The following FLNB variants were observed in gnomAD, a reference collection of about 807,000 sequenced individuals.
FLNB encodes filamin B.
Under a neutral mutation model 250.6 loss-of-function variants are expected in FLNB, and 111 were observed. The observed-to-expected ratio is 0.44, with a 90% CI of 0.38 to 0.52. FLNB has a LOEUF of 0.52. Among genes scored for constraint, FLNB ranks in the 20% least tolerant of loss-of-function variants. FLNB has a pLI of 0.00. For synonymous variants in FLNB, 1,302 were observed against 1,372.1 expected (o/e 0.95, Z 1.13); for missense variants, 2,869 against 3,447.8 (o/e 0.83, Z 4.20).
At position 58,159,561 on chromosome 3, in the gene FLNB, G is replaced by A. The variant is rs1455683954; in HGVS notation, c.6896G>A (p.Gly2299Glu). ...GATGTATTAAATTCTCAGGAATCGG[G>A]ATTAAAAGTTAACCAGCCAGCATCC... ...RLTVMSLQESGLKVNQPASFA... is the reference protein window; with the variant it reads ...RLTVMSLQESELKVNQPASFA... The change falls in exon 42 of 46, where the codon GGA (glycine) becomes GAA (glutamate). Residue 2299 changes from glycine to glutamate, a missense_variant. Physicochemically the swap from Gly to Glu is moderately conservative, Grantham distance 98. Coordinates refer to ENST00000295956, the MANE Select transcript of FLNB (RefSeq NM_001457.4). 1 of 1,614,148 alleles carries A rather than the reference G, an allele frequency of 6.2e-7. No homozygotes were observed.
chr3:58,167,193 C>T (rs942363741), intron 43 of FLNB, among the ~76,000 whole-genome samples: 4 of 152,220 alleles, frequency 2.6e-5, no homozygotes, highest in African/African-American at 9.6e-5. Context: ...GATGGACACA[C>T]TGTCTCCTTG....
chr3:58,027,627 G>T (rs528219896), intron 1 of FLNB, among the ~76,000 whole-genome samples: 1 of 152,292 alleles, frequency 6.6e-6, no homozygotes, highest in South Asian at 2.1e-4. Context: ...CATCACTGGG[G>T]CCCTCGCCTG....
At chr3:58,073,353 C>T (rs2097197375) in intron 1 of FLNB, among the ~76,000 whole-genome samples, 1 of 152,044 alleles carries the variant, frequency 6.6e-6, no homozygotes, top group African/African-American at 2.4e-5. Context: ...AAAATTCAGT[C>T]ATGGTCAAGG....
chr3:58,111,908 G>T (rs2097269348), intron 17 of FLNB, 27 bp downstream of exon 17: 1 of 1,581,084 alleles, frequency 6.3e-7, no homozygotes, highest in Non-Finnish European at 8.7e-7. Flanking sequence ...AGGTTGTCCT[G>T]GGCCCCTCTG....
chr3:58,148,323 A>ACGAGCC lies in FLNB; in HGVS notation c.5848_5853dup (p.Glu1950_Pro1951dup), dbSNP rs1306174529. The ACGAGCC allele has an allele frequency of 4.3e-6, 7 of 1,614,054 alleles. No individual in the cohort carries two copies. Among genetic ancestry groups the ACGAGCC allele is most frequent in the Non-Finnish European group, 5.1e-6 (6 of 1,179,996 alleles). On this transcript the variant is annotated inframe_insertion, in exon 35 of 46. Coordinates refer to ENST00000295956, the MANE Select transcript of FLNB (RefSeq NM_001457.4). ...AGCATTAAGGCCCCATCTGGCCGAG[A>ACGAGCC]CGAGCCCTGTCTCCTGAAGAGGCTG...
intron 28 of FLNB, among the ~76,000 whole-genome samples, chr3:58,137,688 G>T (rs2097318850): frequency 6.6e-6 from 1 of 152,220 alleles, no homozygotes; most frequent in South Asian, 2.1e-4. Flanking sequence ...GGGAGAGGTT[G>T]CAAGTCTCCC....
At chr3:58,122,699 C>A (rs146522587) in intron 20 of FLNB, among the ~76,000 whole-genome samples, 2 of 152,282 alleles carry the variant, frequency 1.3e-5, no homozygotes, top group African/African-American at 4.8e-5. Context: ...CAAATTGCAA[C>A]AGCCCAAGCC....
At position 58,010,735 on chromosome 3, in the gene FLNB, A is replaced by G. The variant is rs979694464; in HGVS notation, c.292+1879A>G. The stretch of plus-strand genomic sequence containing the variant: ...AATACGACATGAAATCTCTAAAACA[A>G]CAACAAAACCAAACCAAACCGCAGC... On this transcript the variant is annotated intron_variant, in intron 1 of 45. Coordinates refer to ENST00000295956, the MANE Select transcript of FLNB (RefSeq NM_001457.4). Among the ~76,000 whole-genome samples, 8 of 152,218 alleles carry G rather than the reference A, an allele frequency of 5.3e-5. No individual in the cohort carries two copies. In the South Asian group the frequency reaches 6.2e-4, roughly 12 times the overall value.
chr3:58,167,722 T>A (rs1398125097), intron 43 of FLNB, among the ~76,000 whole-genome samples: 1 of 152,226 alleles, frequency 6.6e-6, no homozygotes, highest in Admixed American at 6.5e-5. Flanking sequence ...TCTACCACTT[T>A]CTGGTTGTGT....
At chr3:58,095,080 G>C (rs887536271) in intron 5 of FLNB, 126 bp downstream of exon 5, 3 of 807,702 alleles carry the variant, frequency 3.7e-6, no homozygotes, top group Non-Finnish European at 6.6e-6. Flanking sequence ...TTACCAAAAG[G>C]ATACTGAGGC....
chr3:58,118,484 G>A (rs1429293583), intron 18 of FLNB, among the ~76,000 whole-genome samples: 1 of 152,128 alleles, frequency 6.6e-6, no homozygotes, highest in African/African-American at 2.4e-5. Flanking sequence ...CCCTTACCAA[G>A]GTGTGTGACT....
chr3:58,091,430 T>TG lies in FLNB; in HGVS notation c.788-3401dup, dbSNP rs529589146. Among the ~76,000 whole-genome samples, 473 of 152,156 alleles carry TG rather than the reference T, an allele frequency of 3.1e-3. 1 individual carries two copies. The highest frequency in any genetic ancestry group is 0.011 in the African/African-American group (453 of 41,500). ...TGACAAAGGTGCAAAGATAAGTCAT[T>TG]GGGGGAAAAAACCTTTTCGGCACAT... On this transcript the variant is annotated intron_variant, in intron 4 of 45. Coordinates refer to ENST00000295956, the MANE Select transcript of FLNB (RefSeq NM_001457.4).
intron 1 of FLNB, among the ~76,000 whole-genome samples, chr3:58,046,174 G>A (rs2097153788): frequency 6.6e-6 from 1 of 152,020 alleles, no homozygotes; most frequent in East Asian, 1.9e-4. Context: ...GTGGTAGCTG[G>A]GCTGGGCTAG....
intron 23 of FLNB, 78 bp downstream of exon 23, chr3:58,125,821 C>T: frequency 7.3e-7 from 1 of 1,374,106 alleles, no homozygotes; most frequent in Non-Finnish European, 1.0e-6. Flanking sequence ...GGTTTCCTAA[C>T]TTTTGATAAG....
chr3:58,100,601 G>GTTTTTTTTTTTTTTTTTT (rs1559692712), intron 8 of FLNB, among the ~76,000 whole-genome samples: 1 of 127,508 alleles, frequency 7.8e-6, no homozygotes, highest in Admixed American at 8.4e-5. Context: ...TTTTTTTTTT[G>GTTTTTTTTTTTTTTTTTT]TTTTGTTTTG....
At chr3:58,152,176 C>G (rs2097346176) in intron 38 of FLNB, among the ~76,000 whole-genome samples, 2 of 152,162 alleles carry the variant, frequency 1.3e-5, no homozygotes, top group Admixed American at 6.5e-5. Context: ...CCAGATGACT[C>G]TGGGTGAGGC....
At chr3:58,078,687 C>A (rs763191463) in intron 2 of FLNB, 30 bp from the exon 3 acceptor site, 1 of 1,592,644 alleles carries the variant, frequency 6.3e-7, no homozygotes, top group Non-Finnish European at 8.6e-7. Flanking sequence ...TCAGCTAATG[C>A]TAAAAGAATC....
chr3:58,034,658 TG>T (rs1191390204), intron 1 of FLNB, among the ~76,000 whole-genome samples: 3 of 152,326 alleles, frequency 2.0e-5, no homozygotes, highest in Non-Finnish European at 4.4e-5. Context: ...TTCCAAGTCA[TG>T]GGAAACCTAC....
At chr3:58,139,317 A>G (rs1470703592) in intron 29 of FLNB, among the ~76,000 whole-genome samples, 2 of 152,162 alleles carry the variant, frequency 1.3e-5, no homozygotes, top group Non-Finnish European at 2.9e-5. Flanking sequence ...ACAGACACCA[A>G]ATACCATGCT....
Sources: allele counts gnomAD v4.1 joint callset (sites outside exome capture counted in the v4.1 genomes callset), GRCh38; gene constraint gnomAD v4.1.1; transcripts MANE v1.5; gene names NCBI Gene and HGNC (gene_info 2026-07-23, HGNC 2026-07-21).